APP: variants seen among roughly 807,000 people sequenced by gnomAD.
The protein encoded by APP is amyloid beta precursor protein.
A neutral mutation model predicts 101.4 loss-of-function variants in APP; 31 were observed. The observed-to-expected ratio is 0.31, with a 90% CI of 0.23 to 0.41. The LOEUF (loss-of-function observed/expected upper bound fraction) is 0.41, where lower values mean the gene tolerates loss of function less well. Among genes scored for constraint, APP ranks in the 10% least tolerant of loss-of-function variants. The pLI, the probability that APP is intolerant of heterozygous loss-of-function variation, is 1.00. For missense variants in APP, 839 were observed against 1,003.7 expected (o/e 0.84, Z 2.22); for synonymous variants, 366 against 364.4 (o/e 1.00, Z -0.05).
chr21:26,049,488 G>T (rs964416382), intron 5 of APP, among the ~76,000 whole-genome samples: 8 of 152,132 alleles, frequency 5.3e-5, no homozygotes, highest in Non-Finnish European at 1.0e-4. Flanking sequence ...CTATGGGGAA[G>T]ATGATAGGTC....
intron 13 of APP, chr21:25,929,142 G>A (rs997815253): frequency 1.3e-5 from 2 of 152,236 alleles, no homozygotes; most frequent in Non-Finnish European, 2.9e-5. Context: ...GTTGAGAGAT[G>A]TGTACTTTGA....
chr21:25,924,949 A>G (rs1357230958), intron 13 of APP, among the ~76,000 whole-genome samples: 1 of 152,158 alleles, frequency 6.6e-6, no homozygotes, highest in East Asian at 1.9e-4. Flanking sequence ...TCTCCACAAA[A>G]TGGAAATTTG....
chr21:25,935,259 T>G (rs1217652706), intron 13 of APP: 1 of 152,194 alleles, frequency 6.6e-6, no homozygotes, highest in Non-Finnish European at 1.5e-5. Flanking sequence ...AAACTTAGCA[T>G]GTCAATTTCA....
chr21:26,059,229 T>G (rs192545054), intron 3 of APP, among the ~76,000 whole-genome samples: 1 of 152,268 alleles, frequency 6.6e-6, no homozygotes, highest in East Asian at 1.9e-4. Context: ...GAATATCAGA[T>G]TAAAAGACAA....
intron 3 of APP, among the ~76,000 whole-genome samples, chr21:26,070,521 C>A (rs2046630135): frequency 6.6e-6 from 1 of 152,070 alleles, no homozygotes; most frequent in African/African-American, 2.4e-5. Flanking sequence ...ACTAAGGTAT[C>A]TGTCTACACC....
intron 3 of APP, among the ~76,000 whole-genome samples, chr21:26,058,831 C>T (rs1415447925): frequency 6.6e-6 from 1 of 152,162 alleles, no homozygotes; most frequent in African/African-American, 2.4e-5. Flanking sequence ...CCTGTAATCC[C>T]AGCACTTTGG....
intron 14 of APP, among the ~76,000 whole-genome samples, chr21:25,906,275 C>T (rs1471655884): frequency 6.6e-6 from 1 of 152,184 alleles, no homozygotes; most frequent in Non-Finnish European, 1.5e-5. Context: ...AAATTTGGTC[C>T]TTTCTCATGT....
chr21:25,954,720 C>G, intron 12 of APP, 31 bp from the exon 13 acceptor site: 1 of 1,546,022 alleles, frequency 6.5e-7, no homozygotes, highest in Non-Finnish European at 8.9e-7. Flanking sequence ...TCCAGGTCAA[C>G]AATGTCTGGG....
At chr21:26,010,486 A>C (rs2027700) in intron 6 of APP, among the ~76,000 whole-genome samples, 1 of 151,910 alleles carries the variant, frequency 6.6e-6, no homozygotes, top group Non-Finnish European at 1.5e-5. Context: ...ACAATGTGCA[A>C]AGCAGTGATA....
At chr21:26,010,820 CAAAAAAA>C (rs58036272) in intron 6 of APP, among the ~76,000 whole-genome samples, 2 of 54,836 alleles carry the variant, frequency 3.6e-5, no homozygotes, top group African/African-American at 7.1e-5. Flanking sequence ...GACTTCGTCT[CAAAAAAA>C]AAAAAAAAAA....
intron 8 of APP, among the ~76,000 whole-genome samples, chr21:25,994,870 C>A (rs979137145): frequency 6.6e-6 from 1 of 152,182 alleles, no homozygotes. Context: ...GCTGCACAGG[C>A]TATAAATAAC....
intron 11 of APP, among the ~76,000 whole-genome samples, chr21:25,971,292 C>T (rs1180416588): frequency 6.6e-5 from 10 of 152,260 alleles, no homozygotes; most frequent in East Asian, 5.8e-4. Flanking sequence ...GTGATCCGCC[C>T]GCCTTGGCCT....
intron 3 of APP, among the ~76,000 whole-genome samples, chr21:26,077,855 G>A (rs1221514889): frequency 6.6e-6 from 1 of 151,832 alleles, no homozygotes; most frequent in Non-Finnish European, 1.5e-5. Context: ...TATGGAAGAG[G>A]GAATGTTTAA....
intron 1 of APP, among the ~76,000 whole-genome samples, chr21:26,123,592 A>G (rs1183939041): frequency 1.3e-5 from 2 of 152,216 alleles, no homozygotes; most frequent in Non-Finnish European, 2.9e-5. Flanking sequence ...GATTCACAGA[A>G]GGAATTTTTC....
chr21:26,047,038 T>G (rs2146889267), intron 5 of APP, among the ~76,000 whole-genome samples: 1 of 152,332 alleles, frequency 6.6e-6, no homozygotes, highest in South Asian at 2.1e-4. Context: ...TGAGGTGATC[T>G]GAGAATATGA....
chr21:26,131,090 G>A (rs959520295), intron 1 of APP, among the ~76,000 whole-genome samples: 2 of 151,994 alleles, frequency 1.3e-5, no homozygotes, highest in African/African-American at 2.4e-5. Flanking sequence ...TTAGCTGGGC[G>A]TGGTGGCACT....
rs1367744955 is a variant in APP at position 25,881,394 on chromosome 21, C to T, written c.*276G>A. 1 of 501,294 alleles carries T rather than the reference C, an allele frequency of 2.0e-6. No individual in the cohort carries two copies. Among genetic ancestry groups the T allele is most frequent in the Non-Finnish European group, 3.6e-6 (1 of 275,980 alleles). The allele number at this position is 501,294 out of a possible 1,614,324, so 31.1% of individuals were successfully genotyped here. A position where few individuals can be genotyped will look rare whatever the true frequency, so the allele number is the denominator to read the frequency against. On this transcript the variant is annotated 3_prime_UTR_variant, in exon 18 of 18. Transcript: ENST00000346798. ...ATAATCAGGAGAGAATCTATTCATG[C>T]ACTAGTTTGATACAGCTAAATTCTT...
rs150021565 is a variant in APP, at chr21:25,982,894, A to G, written c.1091-417T>C. Among the ~76,000 whole-genome samples, 43 of 152,350 alleles carry G rather than the reference A, an allele frequency of 2.8e-4. No homozygotes were observed. The East Asian group carries it at 8.1e-3, about 29-fold the overall frequency. ...ACTAAGACTCCTGCAGAAACCACAGATATCTGTAATTAGCCTGTTGTAGAA... is the reference window on the plus strand; with the variant it reads ...ACTAAGACTCCTGCAGAAACCACAGGTATCTGTAATTAGCCTGTTGTAGAA... On this transcript the variant is annotated intron_variant, in intron 8 of 17. Coordinates refer to ENST00000346798, the MANE Select transcript of APP (RefSeq NM_000484.4).
chr21:25,935,772 G>A (rs1047028830), intron 13 of APP, among the ~76,000 whole-genome samples: 6 of 149,708 alleles, frequency 4.0e-5, no homozygotes, highest in African/African-American at 1.5e-4. Context: ...ACCGGGAGGC[G>A]GAGGCTGTAG....
Sources: gnomAD v4.1 joint callset for allele counts (sites outside exome capture counted in the v4.1 genomes callset) on GRCh38, gnomAD v4.1.1 for gene constraint, MANE v1.5 for transcripts, NCBI Gene and HGNC (gene_info 2026-07-23, HGNC 2026-07-21) for gene names.